PRKN: variants seen among roughly 807,000 people sequenced by gnomAD.
PRKN encodes the protein E3 ubiquitin-protein ligase parkin.
PRKN carries 56 observed loss-of-function variants against 59.5 expected under a neutral mutation model. That is an observed-to-expected ratio of 0.94 (90% CI 0.76 to 1.18). The LOEUF (loss-of-function observed/expected upper bound fraction) is 1.18, where lower values mean the gene tolerates loss of function less well. Ranked by LOEUF, PRKN falls within the 50% of genes most tolerant of loss-of-function variation. The pLI is 0.00. For synonymous variants in PRKN, 250 were observed against 222.1 expected (o/e 1.13, Z -1.12); for missense variants, 657 against 596.4 (o/e 1.10, Z -1.06).
At chr6:162,250,010 G>T (rs1377370984) in intron 3 of PRKN, among the ~76,000 whole-genome samples, 1 of 152,024 alleles carries the variant, frequency 6.6e-6, no homozygotes, top group Non-Finnish European at 1.5e-5. Context: ...GCCGGGCATG[G>T]TTGCAGGCGC....
At chr6:161,911,273 A>G (rs1778350952) in intron 6 of PRKN, among the ~76,000 whole-genome samples, 1 of 152,178 alleles carries the variant, frequency 6.6e-6, no homozygotes, top group South Asian at 2.1e-4. Flanking sequence ...AGCTGGCACA[A>G]TTGTCACAGT....
intron 4 of PRKN, among the ~76,000 whole-genome samples, chr6:162,143,966 C>T (rs55832918): frequency 0.064 from 9,668 of 152,214 alleles, 348 homozygotes; most frequent in African/African-American, 0.092. Flanking sequence ...TCATACAGAA[C>T]GGATGGCATA....
At chr6:162,437,981 C>G (rs892441134) in intron 2 of PRKN, among the ~76,000 whole-genome samples, 4 of 152,298 alleles carry the variant, frequency 2.6e-5, no homozygotes, top group Middle Eastern at 6.8e-3. Flanking sequence ...ATACATATGT[C>G]ATTTTTTATG....
At chr6:162,662,456 T>C (rs971006816) in intron 1 of PRKN, among the ~76,000 whole-genome samples, 6 of 152,178 alleles carry the variant, frequency 3.9e-5, no homozygotes, top group Non-Finnish European at 7.4e-5. Context: ...TTTGTTTATG[T>C]TGCATTTCAT....
chr6:161,407,348 G>T lies in PRKN; in HGVS notation c.1084-20471C>A, dbSNP rs1041116119. On this transcript the variant is annotated intron_variant, in intron 9 of 11. Transcript: ENST00000366898. The surrounding 1 kb of genome is among the most constrained non-coding windows in gnomAD (Gnocchi z 4.9). ...AAGGGAGGGGCTGGGGAAGGGGGCA[G>T]CTGCACTCGGTGGGAGGCTCTGCAC... 2.0e-5 allele frequency among the ~76,000 whole-genome samples: 3 copies of T among 152,086 alleles called. No individual in the cohort carries two copies. The highest frequency in any genetic ancestry group is 7.2e-5 in the African/African-American group (3 of 41,396).
At position 161,373,158 on chromosome 6, in the gene PRKN, G is replaced by T. The variant is rs1757950224; in HGVS notation, c.1168-12953C>A. ...GGAAACCGAGGTCTTTGCTCGTCAG[G>T]CCTTCCATGGACTGGGTGAGGCCCA... On this transcript the variant is annotated intron_variant, in intron 10 of 11. Transcript: ENST00000366898. This position sits in a 1 kb window ranked among gnomAD's most constrained non-coding sequence, Gnocchi z 4.8. 6.6e-6 allele frequency among the ~76,000 whole-genome samples: 1 copy of T among 152,088 alleles called. No homozygotes were observed. The highest frequency in any genetic ancestry group is 1.5e-5 in the Non-Finnish European group (1 of 68,018).
intron 5 of PRKN, among the ~76,000 whole-genome samples, chr6:162,018,897 ATAT>A (rs1783028722): frequency 1.3e-5 from 2 of 152,196 alleles, no homozygotes; most frequent in South Asian, 4.1e-4. Flanking sequence ...ACCTGTTTTT[ATAT>A]TATTATTTTC....
rs2114834624 is a variant in PRKN, at chr6:161,352,336, A to T, written c.1286-2125T>A. On this transcript the variant is annotated intron_variant, in intron 11 of 11. Transcript: ENST00000366898. This position sits in a 1 kb window ranked among gnomAD's most constrained non-coding sequence, Gnocchi z 5.8. ...ACATGCAAAATCTCCTGTTTTCCTA[A>T]TCCTTTCTGGCTTGTTTTAAAGATC... is the stretch of plus-strand genomic sequence containing the variant. Among the ~76,000 whole-genome samples the T allele has an allele frequency of 6.6e-6, 1 of 152,262 alleles. No individual in the cohort carries two copies. The highest frequency in any genetic ancestry group is 2.4e-5 in the African/African-American group (1 of 41,554).
chr6:162,187,544 C>T (rs1257281559), intron 4 of PRKN, among the ~76,000 whole-genome samples: 1 of 152,112 alleles, frequency 6.6e-6, no homozygotes, highest in Admixed American at 6.5e-5. Flanking sequence ...ACCACCCCTC[C>T]AGCAAGTGCC....
At chr6:161,489,460 G>A (rs1010561457) in intron 9 of PRKN, among the ~76,000 whole-genome samples, 2 of 152,058 alleles carry the variant, frequency 1.3e-5, no homozygotes, top group Admixed American at 6.6e-5. Flanking sequence ...CTCAGGAGGC[G>A]AGGCAGGAGA....
At chr6:162,066,680 C>A (rs747612957) in intron 4 of PRKN, among the ~76,000 whole-genome samples, 7 of 152,138 alleles carry the variant, frequency 4.6e-5, no homozygotes, top group Non-Finnish European at 8.8e-5. Flanking sequence ...AGAGACCAGG[C>A]CTTGACCTGC....
intron 5 of PRKN, among the ~76,000 whole-genome samples, chr6:161,977,936 C>T (rs924530651): frequency 2.0e-5 from 3 of 152,100 alleles, no homozygotes; most frequent in African/African-American, 7.2e-5. Context: ...CAGAGATGAG[C>T]GGACAAATGA....
intron 7 of PRKN, among the ~76,000 whole-genome samples, chr6:161,621,294 A>G (rs1782888419): frequency 1.3e-5 from 2 of 152,114 alleles, no homozygotes; most frequent in Admixed American, 6.5e-5. Context: ...GCCATCTACA[A>G]GCTGAAGACC....
In PRKN at chr6:161,613,638, G is replaced by A. The variant is rs369050577; in HGVS notation, c.872-44222C>T. On this transcript the variant is annotated intron_variant, in intron 7 of 11. Transcript: ENST00000366898. ...TTGTCTTAGAAATTGCCACAGCCAC[G>A]TCAAGCTTCAGCAGCCGCAACCCTG... is the stretch of plus-strand genomic sequence containing the variant. Among the ~76,000 whole-genome samples, 26 of 152,216 alleles carry A rather than the reference G, an allele frequency of 1.7e-4. No homozygotes were observed. The East Asian group carries it at 4.1e-3, about 24-fold the overall frequency.
chr6:161,786,561 C>T (rs1790428865), intron 6 of PRKN, among the ~76,000 whole-genome samples: 1 of 152,022 alleles, frequency 6.6e-6, no homozygotes, highest in African/African-American at 2.4e-5. Flanking sequence ...TGCTATCCCA[C>T]TTATTTTAAA....
chr6:161,881,847 T>C (rs76388920), intron 6 of PRKN, among the ~76,000 whole-genome samples: 6,083 of 152,240 alleles, frequency 0.04, 208 homozygotes, highest in East Asian at 0.16. Context: ...AACCCACTAG[T>C]GTCCAGAGGT....
intron 6 of PRKN, among the ~76,000 whole-genome samples, chr6:161,798,016 A>T (rs1035578146): frequency 1.3e-5 from 2 of 152,176 alleles, no homozygotes; most frequent in Admixed American, 1.3e-4. Context: ...TCTGGCTAAC[A>T]TGGTGAAACC....
At chr6:162,111,117 T>G (rs1043743686) in intron 4 of PRKN, among the ~76,000 whole-genome samples, 1 of 152,044 alleles carries the variant, frequency 6.6e-6, no homozygotes, top group Non-Finnish European at 1.5e-5. Context: ...CATGAAATAA[T>G]ATCACTGAGT....
intron 1 of PRKN, among the ~76,000 whole-genome samples, chr6:162,650,362 C>T (rs1778372155): frequency 6.6e-6 from 1 of 151,946 alleles, no homozygotes; most frequent in Non-Finnish European, 1.5e-5. Context: ...CTTTGGGAGG[C>T]CGAGGCGGGC....
Sources: gnomAD v4.1 joint callset for allele counts (sites outside exome capture counted in the v4.1 genomes callset) on GRCh38, gnomAD v4.1.1 for gene constraint, Gnocchi (gnomAD v3.1) non-coding constraint, MANE v1.5 for transcripts, NCBI Gene and HGNC (gene_info 2026-07-23, HGNC 2026-07-21) for gene names.